MYH7B: variants seen among roughly 807,000 people sequenced by gnomAD.
The protein encoded by MYH7B is myosin-7B.
In MYH7B, 205 loss-of-function variants were observed where a neutral mutation model predicts 234.5. That is an observed-to-expected ratio of 0.87 (90% CI 0.78 to 0.98). The LOEUF (loss-of-function observed/expected upper bound fraction) is 0.98, where lower values mean the gene tolerates loss of function less well. Among genes scored for constraint, MYH7B ranks in the 50% least tolerant of loss-of-function variants. MYH7B has a pLI of 0.00. For missense variants in MYH7B, 2,652 were observed against 2,633.4 expected, an observed-to-expected ratio of 1.01 and a Z score of -0.15; for synonymous variants, 1,193 against 1,105.0, an observed-to-expected ratio of 1.08 and a Z score of -1.58.
chr20:34,973,829 C>T (rs1346834775), intron 2 of MYH7B, among the ~76,000 whole-genome samples: 2 of 152,200 alleles, frequency 1.3e-5, no homozygotes, highest in African/African-American at 4.8e-5. Flanking sequence ...ACGATTTCAG[C>T]TCACTGCCAC....
exon 37 of MYH7B, chr20:34,999,660 A>G: frequency 1.9e-6 from 3 of 1,613,698 alleles, no homozygotes; most frequent in Non-Finnish European, 2.5e-6. Context: ...GGAAGGCGAG[A>G]AGAGTGAGAT....
chr20:34,994,734 G>C (rs2082220934), intron 27 of MYH7B, among the ~76,000 whole-genome samples: 1 of 152,258 alleles, frequency 6.6e-6, no homozygotes, highest in African/African-American at 2.4e-5. Flanking sequence ...GCAGGTAACA[G>C]GGTGATAGCC....
chr20:34,977,534 G>A, intron 3 of MYH7B, 98 bp from the exon 4 acceptor site: 1 of 1,139,986 alleles, frequency 8.8e-7, no homozygotes, highest in Non-Finnish European at 1.3e-6. Context: ...TGCTGGTGGA[G>A]ATAAAAGGGA....
intron 19 of MYH7B, 63 bp from the exon 20 acceptor site, chr20:34,989,677 G>A (rs1184471064): frequency 5.3e-6 from 8 of 1,497,626 alleles, no homozygotes; most frequent in African/African-American, 1.4e-5. Context: ...GGGGAACCAG[G>A]GGTTCAGTCC....
chr20:34,998,210 C>A (rs1600470943), intron 32 of MYH7B, 85 bp from the exon 33 acceptor site: 1 of 1,517,268 alleles, frequency 6.6e-7, no homozygotes, highest in Non-Finnish European at 9.0e-7. Flanking sequence ...GCTTACCAGT[C>A]TCTGATCCCA....
At chr20:34,979,988 A>T in intron 7 of MYH7B, 184 bp downstream of exon 7, 224 of 212,520 alleles carry the variant, frequency 1.1e-3, no homozygotes, top group East Asian at 1.5e-3. Flanking sequence ...GGCTCTGAGC[A>T]GTGGGGGCGG....
At chr20:35,001,588 G>A in intron 43 of MYH7B, 62 bp downstream of exon 43, 10 of 1,421,804 alleles carry the variant, frequency 7.0e-6, no homozygotes, top group Non-Finnish European at 8.7e-6. Flanking sequence ...AGGGTCTGTG[G>A]CCAGGTGAGG....
At chr20:35,001,372 G>C in intron 42 of MYH7B, 23 bp downstream of exon 42, 1 of 1,599,856 alleles carries the variant, frequency 6.3e-7, no homozygotes. Context: ...GTCTCCCTGG[G>C]GAGTGGCCCT....
At position 34,979,361 on chromosome 20, in the gene MYH7B, C is replaced by G. The variant is rs1600420238; in HGVS notation, c.92-29C>G. On this transcript the variant is annotated intron_variant, in intron 5 of 44. Transcript: ENST00000262873. ...AACCTGGAGGTGCCTCAGCCCCTCT[C>G]TGAGTCCAGAGCTCTCTCTGCAACC... The G allele has an allele frequency of 3.2e-6, 5 of 1,572,446 alleles. 1 individual carries two copies. The Admixed American group carries it at 8.8e-5, about 28-fold the overall frequency.
At chr20:34,960,784 G>A (rs1183806650) in intron 2 of MYH7B, among the ~76,000 whole-genome samples, 1 of 152,224 alleles carries the variant, frequency 6.6e-6, no homozygotes, top group African/African-American at 2.4e-5. Flanking sequence ...AATGCCTGTG[G>A]AATCAAAGTG....
intron 10 of MYH7B, 53 bp from the exon 11 acceptor site, chr20:34,984,639 C>T (rs955404614): frequency 2.0e-6 from 3 of 1,524,730 alleles, no homozygotes; most frequent in Non-Finnish European, 2.7e-6. Flanking sequence ...CCCCACCCCG[C>T]CCTTCCCCAC....
At position 35,001,475 on chromosome 20, in the gene MYH7B, GGA is replaced by G; in HGVS notation, c.5626_5627del (p.Asp1876GlnfsTer14). 6.2e-7 allele frequency: 1 copy of G among 1,610,338 alleles called. No homozygotes were observed. The highest frequency in any genetic ancestry group is 8.5e-7 in the Non-Finnish European group (1 of 1,178,388). On this transcript the variant is annotated frameshift_variant, in exon 43 of 45. Transcript: ENST00000262873. LOFTEE classifies it high-confidence loss of function. ...ACCTGGCTCGCATGCAGGACCTGGT[GGA>G]CAAGCTGCAGAGCAAGGTCAAGAGC...
intron 2 of MYH7B, among the ~76,000 whole-genome samples, chr20:34,962,343 A>G (rs528468252): frequency 2.0e-5 from 3 of 152,286 alleles, no homozygotes; most frequent in East Asian, 1.9e-4. Context: ...TGGTAAGTAT[A>G]TGTTTAACTT....
chr20:34,996,974 A>AC (rs2082271373), intron 30 of MYH7B, 109 bp from the exon 31 acceptor site: 3 of 804,376 alleles, frequency 3.7e-6, no homozygotes, highest in Non-Finnish European at 3.4e-6. Flanking sequence ...CAGCAGGTGC[A>AC]TGGGGTGAGG....
intron 2 of MYH7B, among the ~76,000 whole-genome samples, chr20:34,963,536 T>C (rs1432689484): frequency 6.6e-6 from 1 of 152,270 alleles, no homozygotes; most frequent in Non-Finnish European, 1.5e-5. Flanking sequence ...GTGGATGGTC[T>C]TTTCTGTTTT....
At chr20:34,958,238 T>C (rs1046488144) in intron 2 of MYH7B, among the ~76,000 whole-genome samples, 26 bp downstream of exon 2, 1 of 152,156 alleles carries the variant, frequency 6.6e-6, no homozygotes, top group Non-Finnish European at 1.5e-5. Flanking sequence ...TCCCATTTTG[T>C]AGATGTGGCA....
intron 43 of MYH7B, 122 bp from the exon 44 acceptor site, chr20:35,001,826 C>T: frequency 7.0e-7 from 1 of 1,426,072 alleles, no homozygotes; most frequent in Admixed American, 2.1e-5. Flanking sequence ...TGAGGATGGA[C>T]AGTGGCAATA....
intron 44 of MYH7B, 31 bp downstream of exon 44, chr20:35,002,116 G>A (rs2082402268): frequency 1.9e-6 from 3 of 1,611,196 alleles, no homozygotes; most frequent in Non-Finnish European, 2.5e-6. Flanking sequence ...TGCTCTCTGT[G>A]CAGGGGGACT....
chr20:34,974,917 A>G (rs962136521), intron 2 of MYH7B, among the ~76,000 whole-genome samples: 1 of 152,236 alleles, frequency 6.6e-6, no homozygotes, highest in Non-Finnish European at 1.5e-5. Context: ...GGCAGGAGGT[A>G]GGCAAGGTAC....
Sources: gnomAD v4.1 joint callset for allele counts (sites outside exome capture counted in the v4.1 genomes callset) on GRCh38, gnomAD v4.1.1 for gene constraint, MANE v1.5 for transcripts, NCBI Gene and HGNC (gene_info 2026-07-23, HGNC 2026-07-21) for gene names.